MACF1: variants seen among roughly 807,000 people sequenced by gnomAD.
The protein encoded by MACF1 is microtubule actin crosslinking factor 1.
Under a neutral mutation model 854.8 loss-of-function variants are expected in MACF1, and 193 were observed. The observed-to-expected ratio is 0.23, with a 90% CI of 0.20 to 0.25. The LOEUF (loss-of-function observed/expected upper bound fraction) is 0.25, where lower values mean the gene tolerates loss of function less well. MACF1 is among the 10% of genes least tolerant of loss of function. The pLI is 1.00. For synonymous variants in MACF1, 3,185 were observed against 3,226.7 expected, an observed-to-expected ratio of 0.99 and a Z score of 0.44; for missense variants, 7,722 against 8,929.1, an observed-to-expected ratio of 0.86 and a Z score of 5.45.
At chr1:39,477,045 GTATA>G (rs745911075) in intron 97 of MACF1, among the ~76,000 whole-genome samples, 1,915 of 63,462 alleles carry the variant, frequency 0.03, 32 homozygotes, top group East Asian at 0.039. Context: ...TACACTTAGT[GTATA>G]TATATATATA....
intron 2 of MACF1, among the ~76,000 whole-genome samples, chr1:39,129,026 T>C (rs1174520503): frequency 6.6e-6 from 1 of 152,164 alleles, no homozygotes; most frequent in Non-Finnish European, 1.5e-5. Context: ...CCTAACACAA[T>C]GTCCTACATT....
At chr1:39,110,230 CTTTTTTTTTT>C (rs5773651) in intron 2 of MACF1, among the ~76,000 whole-genome samples, 15 of 84,594 alleles carry the variant, frequency 1.8e-4, no homozygotes, top group South Asian at 1.3e-3. Context: ...GGATGTTGTT[CTTTTTTTTTT>C]TTTTTTTTTT....
At chr1:39,309,264 T>G (rs928560139) in intron 23 of MACF1, among the ~76,000 whole-genome samples, 1 of 151,720 alleles carries the variant, frequency 6.6e-6, no homozygotes, top group Non-Finnish European at 1.5e-5. Context: ...TAGTTTAGTT[T>G]TTTTTTTTTT....
At chr1:39,292,384 G>T (rs576531983) in intron 16 of MACF1, among the ~76,000 whole-genome samples, 89 of 152,260 alleles carry the variant, frequency 5.8e-4, no homozygotes, top group African/African-American at 2.1e-3. Flanking sequence ...GCAGTTGAGC[G>T]CTGGTTTAGA....
chr1:39,112,385 C>T (rs1217922214), intron 2 of MACF1, among the ~76,000 whole-genome samples: 1 of 152,112 alleles, frequency 6.6e-6, no homozygotes, highest in Non-Finnish European at 1.5e-5. Context: ...TGCCTGGCCA[C>T]AGTAAAATCT....
intron 2 of MACF1, among the ~76,000 whole-genome samples, chr1:39,138,072 C>CAAAAAAAA (rs1213606775): frequency 4.0e-5 from 2 of 50,346 alleles, no homozygotes; most frequent in Non-Finnish European, 4.1e-5. Flanking sequence ...GACTCCATCT[C>CAAAAAAAA]AAAAAAAAAA....
chr1:39,467,454 C>T (rs1644694102), intron 95 of MACF1, among the ~76,000 whole-genome samples: 1 of 152,142 alleles, frequency 6.6e-6, no homozygotes, highest in South Asian at 2.1e-4. Context: ...ATTTCTCCTA[C>T]CAGATGTTTG....
At chr1:39,193,169 T>C (rs886609128) in intron 2 of MACF1, among the ~76,000 whole-genome samples, 4 of 152,064 alleles carry the variant, frequency 2.6e-5, no homozygotes, top group Non-Finnish European at 5.9e-5. Context: ...TGGGCAAGAT[T>C]CTGGAACAGT....
At chr1:39,423,998 T>A in intron 60 of MACF1, 30 bp from the exon 61 acceptor site, 1 of 1,569,826 alleles carries the variant, frequency 6.4e-7, no homozygotes, top group Non-Finnish European at 8.7e-7. Flanking sequence ...AATGATCCTG[T>A]GTTACAGCTT....
chr1:39,254,492 C>G, intron 5 of MACF1, 117 bp downstream of exon 5: 1 of 862,154 alleles, frequency 1.2e-6, no homozygotes, highest in Non-Finnish European at 1.9e-6. Flanking sequence ...CTGATTGACC[C>G]AGTTCTGAGT....
Position 39,283,533 on chromosome 1 carries a change from T to C in MACF1, c.915+18T>C. 3 of 1,539,522 alleles carry C rather than the reference T, an allele frequency of 1.9e-6. No homozygotes were observed. In the East Asian group the frequency reaches 6.7e-5, roughly 35 times the overall value. ...GTGCTACGGTAAAAGAACATTTTCC[T>C]AGAAGGCCTTCTGACTTTGATTCAT... On this transcript the variant is annotated intron_variant, in intron 9 of 100. Transcript: ENST00000564288. The surrounding 1 kb of genome is among the most constrained non-coding windows in gnomAD (Gnocchi z 4.5).
At chr1:39,258,705 GCT>G (rs1645124032) in intron 6 of MACF1, among the ~76,000 whole-genome samples, 1 of 152,168 alleles carries the variant, frequency 6.6e-6, no homozygotes, top group South Asian at 2.1e-4. Context: ...TTCTCAGACA[GCT>G]CTCTCTGATA....
chr1:39,166,293 C>T (rs183524219), intron 2 of MACF1, among the ~76,000 whole-genome samples: 12 of 152,186 alleles, frequency 7.9e-5, no homozygotes, highest in African/African-American at 2.9e-4. Context: ...ATCTTGAATT[C>T]CTGACCTCAG....
Position 39,332,941 on chromosome 1 carries a change from C to T in MACF1, c.6353C>T (p.Thr2118Ile). The T allele has an allele frequency of 6.2e-7, 1 of 1,614,148 alleles. No homozygotes were observed. The highest frequency in any genetic ancestry group is 8.5e-7 in the Non-Finnish European group (1 of 1,180,024). Residue 2118 changes from threonine (T) to isoleucine (I), a missense_variant, in exon 37 of 101, where the codon ACA becomes ATA. Coordinates refer to ENST00000564288, the MANE Select transcript of MACF1 (RefSeq NM_001394062.1). ...ATAGGTACCCAAAGGGAAGACCAAACAGCAGTGTCTGTCAGAGAAAATGCC... is the reference window on the plus strand; with the variant it reads ...ATAGGTACCCAAAGGGAAGACCAAATAGCAGTGTCTGTCAGAGAAAATGCC... ...QLIGTQREDQ[T>I]AVSVRENASR...
At chr1:39,161,118 G>A (rs1002870117) in intron 2 of MACF1, among the ~76,000 whole-genome samples, 2 of 152,226 alleles carry the variant, frequency 1.3e-5, no homozygotes, top group Admixed American at 6.5e-5. Context: ...TCCACTGCTC[G>A]TGCTTTTTCT....
At chr1:39,268,161 G>T (rs184792898) in intron 6 of MACF1, among the ~76,000 whole-genome samples, 1 of 152,072 alleles carries the variant, frequency 6.6e-6, no homozygotes, top group Non-Finnish European at 1.5e-5. Flanking sequence ...TCCCTTGCTG[G>T]TTAGTACCAG....
At chr1:39,117,651 C>T (rs1642582811) in intron 2 of MACF1, among the ~76,000 whole-genome samples, 1 of 152,012 alleles carries the variant, frequency 6.6e-6, no homozygotes, top group African/African-American at 2.4e-5. Flanking sequence ...TACAGACTTC[C>T]TCTACTATTG....
rs950572385 is a variant in MACF1, at chr1:39,349,636, G to GAA, written c.10965+10_10965+11dup. 6.2e-7 allele frequency: 1 copy of GAA among 1,612,722 alleles called. No homozygotes were observed. Among genetic ancestry groups the GAA allele is most frequent in the African/African-American group, 1.3e-5 (1 of 74,868 alleles). On this transcript the variant is annotated intron_variant, in intron 42 of 100. Transcript: ENST00000564288. ...ACCAAAGTGACTTGAAGGTCAGTGT[G>GAA]AATCTGTCAATTTTGACACAAAGTC...
intron 29 of MACF1, among the ~76,000 whole-genome samples, 161 bp downstream of exon 29, chr1:39,317,568 G>C (rs1198325785): frequency 6.6e-6 from 1 of 152,188 alleles, no homozygotes; most frequent in African/African-American, 2.4e-5. Flanking sequence ...GTGACAGAAA[G>C]GTGAGACCGG....
Sources: gnomAD v4.1 joint callset for allele counts (sites outside exome capture counted in the v4.1 genomes callset) on GRCh38, gnomAD v4.1.1 for gene constraint, Gnocchi (gnomAD v3.1) non-coding constraint, MANE v1.5 for transcripts, NCBI Gene and HGNC (gene_info 2026-07-23, HGNC 2026-07-21) for gene names.